Variants in NBPF14 observed in about 807,000 individuals in gnomAD.
NBPF14 encodes NBPF member 14.
Under a neutral mutation model 91.2 loss-of-function variants are expected in NBPF14, and 104 were observed. The ratio of observed to expected loss-of-function variants is 1.14; its 90% CI spans 0.97 to 1.34. The LOEUF is 1.34. Among genes scored for constraint, NBPF14 ranks in the 40% most tolerant of loss-of-function variants. NBPF14 has a pLI of 0.00. For missense variants in NBPF14, 908 were observed against 783.0 expected, an observed-to-expected ratio of 1.16 and a Z score of -1.91; for synonymous variants, 294 against 303.8, an observed-to-expected ratio of 0.97 and a Z score of 0.34.
chr1:148,533,777 A>G (rs367764560), intron 70 of NBPF14, 84 bp downstream of exon 70: 4 of 761,824 alleles, frequency 5.3e-6, no homozygotes, highest in East Asian at 2.4e-5. Context: ...TGAAAATATG[A>G]CATCAAACAC....
intron 68 of NBPF14, among the ~76,000 whole-genome samples, 192 bp from the exon 69 acceptor site, chr1:148,535,048 G>T (rs879986535): frequency 2.0e-5 from 3 of 146,956 alleles, no homozygotes; most frequent in African/African-American, 7.9e-5. Context: ...GAGAAAGACA[G>T]GGAGAGGGAG....
At chr1:148,593,989 C>A (rs1487287177) in intron 2 of NBPF14, among the ~76,000 whole-genome samples, 4 of 149,322 alleles carry the variant, frequency 2.7e-5, no homozygotes, top group Admixed American at 6.7e-5. Flanking sequence ...AGGTCTGACT[C>A]TGAATGTGGG....
intron 68 of NBPF14, 73 bp downstream of exon 68, chr1:148,535,380 C>A (rs1654939749): frequency 9.4e-6 from 5 of 534,428 alleles, no homozygotes; most frequent in Middle Eastern, 5.1e-4. Flanking sequence ...ATTGAACACA[C>A]TCTTGTTTTC....
chr1:148,561,816 C>CAG (rs1256585009), intron 34 of NBPF14, among the ~76,000 whole-genome samples: 8 of 129,786 alleles, frequency 6.2e-5, no homozygotes, highest in African/African-American at 2.6e-4. Context: ...CACACACACA[C>CAG]ACAGAGAGAG....
At chr1:148,534,204 T>C (rs1654443615) in intron 69 of NBPF14, among the ~76,000 whole-genome samples, 1 of 150,594 alleles carries the variant, frequency 6.6e-6, no homozygotes, top group Admixed American at 6.8e-5. Flanking sequence ...CCAATATCAT[T>C]TGTCCCAAGT....
At chr1:148,577,706 A>T (rs1215300128) in intron 14 of NBPF14, among the ~76,000 whole-genome samples, 1 of 144,892 alleles carries the variant, frequency 6.9e-6, no homozygotes, top group African/African-American at 2.7e-5. Context: ...TGTCCTCAAT[A>T]ATTTTGCATA....
In NBPF14 at chr1:148,534,914, C is replaced by A. The variant is rs1553332593; in HGVS notation, c.8442-58G>T. On this transcript the variant is annotated intron_variant, in intron 68 of 70. Coordinates refer to ENST00000619423, the Ensembl canonical transcript of NBPF14. ...AGGGGGAATCAGAAACCACACAGCC[C>A]CAGCTAGATTTCATGGCTAACATAA... 6.9e-6 allele frequency: 5 copies of A among 725,632 alleles called. 1 individual carries two copies. The highest frequency in any genetic ancestry group is 2.9e-5 in the South Asian group (2 of 68,630). 44.9% of individuals were successfully genotyped at this position (725,632 alleles called of 1,614,324 possible).
At chr1:148,578,981 T>C (rs1660512282) in intron 13 of NBPF14, 93 bp downstream of exon 13, 1 of 646,856 alleles carries the variant, frequency 1.5e-6, no homozygotes, top group Admixed American at 2.2e-5. Context: ...TGATGGCAAA[T>C]CTCAGCCCAA....
chr1:148,587,676 TC>T (rs1661774327), intron 7 of NBPF14, among the ~76,000 whole-genome samples: 2 of 138,996 alleles, frequency 1.4e-5, no homozygotes, highest in Non-Finnish European at 3.2e-5. Flanking sequence ...GAATTCACAG[TC>T]CCTGAGGTCT....
At chr1:148,587,165 T>A in intron 8 of NBPF14, 136 bp downstream of exon 8, 1 of 711,274 alleles carries the variant, frequency 1.4e-6, no homozygotes, top group Non-Finnish European at 2.5e-6. Flanking sequence ...GATAAATATT[T>A]GTGTGTAGCG....
At chr1:148,557,676 A>C in intron 39 of NBPF14, 134 bp from the exon 40 acceptor site, 1 of 616,562 alleles carries the variant, frequency 1.6e-6, no homozygotes, top group Non-Finnish European at 2.8e-6. Flanking sequence ...GATATACTTC[A>C]GGAGGCCTGA....
chr1:148,590,152 C>A (rs1415599208), intron 6 of NBPF14, among the ~76,000 whole-genome samples: 1 of 140,072 alleles, frequency 7.1e-6, no homozygotes, highest in South Asian at 2.4e-4. Context: ...GGGTTCATGC[C>A]AATTCTCCTG....
chr1:148,576,056 G>T (rs1659652374), intron 16 of NBPF14, among the ~76,000 whole-genome samples: 3 of 146,756 alleles, frequency 2.0e-5, no homozygotes, highest in Non-Finnish European at 3.0e-5. Context: ...AATTGGCCGG[G>T]TGACACACTG....
At chr1:148,539,579 G>C in exon 63 of NBPF14, 1 of 244,584 alleles carries the variant, frequency 4.1e-6, no homozygotes. Flanking sequence ...GCTCCCTGCT[G>C]AGCCTGGAAA....
chr1:148,533,838 G>C (rs782745476), intron 70 of NBPF14, 23 bp downstream of exon 70: 56 of 766,140 alleles, frequency 7.3e-5, no homozygotes, highest in Non-Finnish European at 8.6e-5. Context: ...CAGAACTAAG[G>C]ATCCACAATT....
intron 11 of NBPF14, among the ~76,000 whole-genome samples, chr1:148,583,965 A>G (rs2149556081): frequency 7.1e-6 from 1 of 140,464 alleles, no homozygotes; most frequent in South Asian, 2.4e-4. Context: ...TTATGGAAAT[A>G]TATCAGCAAA....
chr1:148,559,359 A>C (rs1336096354), intron 37 of NBPF14, among the ~76,000 whole-genome samples: 2 of 130,632 alleles, frequency 1.5e-5, no homozygotes, highest in South Asian at 2.7e-4. Context: ...ATCGATTTAA[A>C]GCAATTGCCC....
chr1:148,586,906 G>T (rs1194075623), intron 8 of NBPF14, among the ~76,000 whole-genome samples: 7 of 143,640 alleles, frequency 4.9e-5, no homozygotes, highest in Non-Finnish European at 1.1e-4. Flanking sequence ...TGACAGGGTC[G>T]AGGAGGCAAC....
chr1:148,559,498 T>C (rs1245848356), intron 37 of NBPF14, among the ~76,000 whole-genome samples: 5 of 126,188 alleles, frequency 4.0e-5, no homozygotes, highest in South Asian at 2.8e-4. Flanking sequence ...ATCTACAAAA[T>C]TGAGACAAAA....
Sources: gnomAD v4.1 joint callset for allele counts (sites outside exome capture counted in the v4.1 genomes callset) on GRCh38, gnomAD v4.1.1 for gene constraint, MANE v1.5 for transcripts, NCBI Gene and HGNC (gene_info 2026-07-23, HGNC 2026-07-21) for gene names.